ANKS1B: variants seen among roughly 807,000 people sequenced by gnomAD.
ANKS1B encodes the protein ankyrin repeat and sterile alpha motif domain-containing protein 1B.
A neutral mutation model predicts 148.3 loss-of-function variants in ANKS1B; 36 were observed. The ratio of observed to expected loss-of-function variants is 0.24; its 90% CI spans 0.19 to 0.32. ANKS1B has a LOEUF of 0.32. Ranked by LOEUF, ANKS1B falls within the 10% of genes least tolerant of loss-of-function variation. The probability of loss-of-function intolerance (pLI) is 1.00; values close to 1 mark genes in which losing one functional copy is unlikely to be tolerated. For synonymous variants in ANKS1B, 542 were observed against 560.8 expected (o/e 0.97, Z 0.47); for missense variants, 1,157 against 1,542.6 (o/e 0.75, Z 4.19).
At chr12:99,497,559 C>T (rs1015441457) in intron 10 of ANKS1B, among the ~76,000 whole-genome samples, 1 of 152,162 alleles carries the variant, frequency 6.6e-6, no homozygotes, top group African/African-American at 2.4e-5. Flanking sequence ...TATATCTTCA[C>T]ATTGTCTTCC....
chr12:99,099,329 C>A (rs1167915395), intron 15 of ANKS1B, among the ~76,000 whole-genome samples: 1 of 152,194 alleles, frequency 6.6e-6, no homozygotes, highest in Non-Finnish European at 1.5e-5. Context: ...GGGTGGGGGT[C>A]CCCTGTCTGC....
At chr12:99,700,745 T>C (rs902957825) in intron 8 of ANKS1B, among the ~76,000 whole-genome samples, 3 of 152,210 alleles carry the variant, frequency 2.0e-5, no homozygotes, top group Non-Finnish European at 2.9e-5. Flanking sequence ...GGGGAACTAC[T>C]GTATTCCCAT....
intron 4 of ANKS1B, among the ~76,000 whole-genome samples, chr12:99,802,843 T>A (rs1419980080): frequency 6.6e-6 from 1 of 151,310 alleles, no homozygotes; most frequent in Non-Finnish European, 1.5e-5. Flanking sequence ...AGCTTGGGAG[T>A]TCTAGGCCGA....
chr12:99,283,345 G>C (rs2078720754), intron 12 of ANKS1B, among the ~76,000 whole-genome samples: 1 of 152,132 alleles, frequency 6.6e-6, no homozygotes, highest in Non-Finnish European at 1.5e-5. Flanking sequence ...TAGTCCAACA[G>C]TGTTGGCTAT....
chr12:99,379,051 T>C (rs1045816645), intron 12 of ANKS1B, among the ~76,000 whole-genome samples: 3 of 152,190 alleles, frequency 2.0e-5, no homozygotes, highest in African/African-American at 7.2e-5. Flanking sequence ...AGAGGAACAG[T>C]ACTTGAATGC....
At chr12:99,921,401 A>G (rs1216606213) in intron 1 of ANKS1B, among the ~76,000 whole-genome samples, 1 of 152,190 alleles carries the variant, frequency 6.6e-6, no homozygotes, top group Non-Finnish European at 1.5e-5. Context: ...ACTGTGAGTC[A>G]ATTAAACGTC....
chr12:98,979,563 G>A lies in ANKS1B; in HGVS notation c.2778+73594C>T, dbSNP rs546475169. ...TGGGATTACAGGCGTGAGCCACTGC[G>A]CCCAGCTATCTTTCTCTGGTTTTCA... On this transcript the variant is annotated intron_variant, in intron 17 of 26. Transcript: ENST00000683438. 1.1e-4 allele frequency among the ~76,000 whole-genome samples: 17 copies of A among 152,104 alleles called. No homozygotes were observed. In the South Asian group the frequency reaches 2.3e-3, roughly 20 times the overall value.
intron 12 of ANKS1B, among the ~76,000 whole-genome samples, chr12:99,259,866 C>A (rs771717994): frequency 7.2e-5 from 11 of 152,114 alleles, no homozygotes; most frequent in Non-Finnish European, 1.5e-4. Context: ...CTCTGCCTCC[C>A]TAGGGAGTTA....
At chr12:99,417,957 C>A (rs1044385877) in intron 11 of ANKS1B, among the ~76,000 whole-genome samples, 3 of 152,096 alleles carry the variant, frequency 2.0e-5, no homozygotes, top group Non-Finnish European at 4.4e-5. Context: ...AAACAAATTG[C>A]CAACCAAGAA....
intron 9 of ANKS1B, among the ~76,000 whole-genome samples, chr12:99,653,250 A>AT (rs1249727179): frequency 6.6e-6 from 1 of 152,218 alleles, no homozygotes; most frequent in African/African-American, 2.4e-5. Context: ...AGATACAATC[A>AT]TATTACTGAC....
chr12:99,678,409 A>G (rs2098594426), intron 8 of ANKS1B, among the ~76,000 whole-genome samples: 1 of 152,162 alleles, frequency 6.6e-6, no homozygotes, highest in African/African-American at 2.4e-5. Flanking sequence ...AGTCCTAAAA[A>G]TGAAGATATA....
intron 15 of ANKS1B, among the ~76,000 whole-genome samples, chr12:99,138,244 G>A (rs12426468): frequency 0.19 from 28,389 of 152,084 alleles, 2,894 homozygotes; most frequent in East Asian, 0.32. Context: ...GAGGATTATT[G>A]CTTTAGCTAT....
At chr12:99,448,522 G>T (rs188535630) in intron 10 of ANKS1B, among the ~76,000 whole-genome samples, 2 of 152,130 alleles carry the variant, frequency 1.3e-5, no homozygotes, top group Non-Finnish European at 2.9e-5. Context: ...GGTGACTATA[G>T]TTAATAACAA....
At chr12:98,779,384 A>C (rs893613046) in intron 24 of ANKS1B, among the ~76,000 whole-genome samples, 7 of 152,186 alleles carry the variant, frequency 4.6e-5, no homozygotes, top group Non-Finnish European at 1.0e-4. Flanking sequence ...TGCTATTAAT[A>C]CAGCTGCATC....
chr12:99,238,277 C>G (rs1440277700), intron 14 of ANKS1B, among the ~76,000 whole-genome samples: 1 of 152,236 alleles, frequency 6.6e-6, no homozygotes, highest in Admixed American at 6.5e-5. Flanking sequence ...GTCCCACACC[C>G]ACGGATCCTT....
chr12:99,221,246 A>G (rs1019963324), intron 14 of ANKS1B, among the ~76,000 whole-genome samples: 1 of 152,132 alleles, frequency 6.6e-6, no homozygotes, highest in African/African-American at 2.4e-5. Flanking sequence ...AGGCTGAGGC[A>G]GGAGAATGGC....
intron 17 of ANKS1B, among the ~76,000 whole-genome samples, chr12:99,046,831 A>T (rs1160418376): frequency 6.7e-6 from 1 of 149,414 alleles, no homozygotes; most frequent in African/African-American, 2.4e-5. Flanking sequence ...AAAAAAAGAA[A>T]AAGAAAGACC....
intron 14 of ANKS1B, among the ~76,000 whole-genome samples, chr12:99,193,553 T>C (rs1324822482): frequency 6.6e-6 from 1 of 152,322 alleles, no homozygotes; most frequent in African/African-American, 2.4e-5. Flanking sequence ...TCTTGTGTCA[T>C]GCAAAACTTT....
chr12:98,846,972 G>A (rs558091625), intron 17 of ANKS1B, among the ~76,000 whole-genome samples: 60 of 152,206 alleles, frequency 3.9e-4, no homozygotes, highest in African/African-American at 1.4e-3. Context: ...AAGGTTGTAC[G>A]TATTTAATGC....
Sources: allele counts gnomAD v4.1 joint callset (sites outside exome capture counted in the v4.1 genomes callset), GRCh38; gene constraint gnomAD v4.1.1; transcripts MANE v1.5; gene names NCBI Gene and HGNC (gene_info 2026-07-23, HGNC 2026-07-21).